The following CELA2A variants were observed in gnomAD, a reference collection of about 807,000 sequenced individuals.
The protein encoded by CELA2A is chymotrypsin-like elastase family member 2A.
A neutral mutation model predicts 35.3 loss-of-function variants in CELA2A; 31 were observed. The ratio of observed to expected loss-of-function variants is 0.88; its 90% CI spans 0.66 to 1.19. The LOEUF is 1.19. CELA2A is among the 50% of genes most tolerant of loss of function. The pLI, the probability that CELA2A is intolerant of heterozygous loss-of-function variation, is 0.00. For synonymous variants in CELA2A, 150 were observed against 149.8 expected, an observed-to-expected ratio of 1.00 and a Z score of -0.01; for missense variants, 330 against 352.9, an observed-to-expected ratio of 0.94 and a Z score of 0.52.
chr1:15,471,736 G>GC (rs901311308), intron 7 of CELA2A, among the ~76,000 whole-genome samples: 2 of 152,068 alleles, frequency 1.3e-5, no homozygotes, highest in African/African-American at 4.8e-5. Flanking sequence ...GGGTTCGAAG[G>GC]CCCCCTACCC....
At chr1:15,469,778 A>G (rs1185465744) in intron 7 of CELA2A, among the ~76,000 whole-genome samples, 2 of 152,164 alleles carry the variant, frequency 1.3e-5, no homozygotes, top group Non-Finnish European at 2.9e-5. Context: ...CGCCACCCAC[A>G]TGTCAAAGGA....
At chr1:15,458,069 C>G (rs191585063) in intron 2 of CELA2A, among the ~76,000 whole-genome samples, 3 of 151,758 alleles carry the variant, frequency 2.0e-5, no homozygotes, top group African/African-American at 4.8e-5. Context: ...TAATTGGGAC[C>G]GAGTAATTGA....
intron 5 of CELA2A, among the ~76,000 whole-genome samples, chr1:15,464,185 G>T (rs2103303421): frequency 6.6e-6 from 1 of 152,306 alleles, no homozygotes; most frequent in South Asian, 2.1e-4. Flanking sequence ...TGGAGAGAAA[G>T]TTACAGAGAC....
At chr1:15,461,436 T>G (rs1412014959) in intron 2 of CELA2A, 125 bp from the exon 3 acceptor site, 2 of 921,722 alleles carry the variant, frequency 2.2e-6, no homozygotes, top group African/African-American at 3.3e-5. Context: ...TGCCTTAAGT[T>G]GTGCACATGA....
intron 5 of CELA2A, 83 bp from the exon 6 acceptor site, chr1:15,465,916 A>T: frequency 6.6e-7 from 1 of 1,507,002 alleles, no homozygotes; most frequent in Non-Finnish European, 9.2e-7. Flanking sequence ...AGACAGGAAC[A>T]GGGGAAACCT....
At chr1:15,465,397 G>A (rs1708502790) in intron 5 of CELA2A, among the ~76,000 whole-genome samples, 3 of 152,242 alleles carry the variant, frequency 2.0e-5, no homozygotes, top group South Asian at 4.2e-4. Context: ...CAGTAATGGA[G>A]GTGATGGTGG....
intron 7 of CELA2A, among the ~76,000 whole-genome samples, chr1:15,471,537 G>T (rs1708593902): frequency 6.6e-6 from 1 of 151,728 alleles, no homozygotes; most frequent in Non-Finnish European, 1.5e-5. Context: ...AACAGAGTGA[G>T]ACTGTCTCAA....
chr1:15,462,805 C>T lies in CELA2A; in HGVS notation c.300C>T (p.Val100=). Residue 100 remains valine, a synonymous_variant, in exon 4 of 8, where the codon GTC becomes GTT. Coordinates refer to ENST00000359621, the MANE Select transcript of CELA2A (RefSeq NM_033440.3). ...LYVAESGSLA[V]SVSKIVVHKD... ...TTGCGGAGTCCGGCTCGCTGGCAGTCAGTGTCTCTAAGATTGTGGTGCACA... is the reference window on the plus strand; with the variant it reads ...TTGCGGAGTCCGGCTCGCTGGCAGTTAGTGTCTCTAAGATTGTGGTGCACA... The T allele has an allele frequency of 6.2e-7, 1 of 1,614,128 alleles. No homozygotes were observed. The highest frequency in any genetic ancestry group is 8.5e-7 in the Non-Finnish European group (1 of 1,180,032).
intron 7 of CELA2A, among the ~76,000 whole-genome samples, chr1:15,469,164 C>A (rs1276341887): frequency 6.6e-6 from 1 of 151,920 alleles, no homozygotes; most frequent in Non-Finnish European, 1.5e-5. Context: ...GGCGACAGAG[C>A]GAGACTCCAT....
intron 7 of CELA2A, among the ~76,000 whole-genome samples, chr1:15,468,865 G>A (rs1708555696): frequency 6.6e-6 from 1 of 152,016 alleles, no homozygotes; most frequent in African/African-American, 2.4e-5. Flanking sequence ...GTAGGTGAAA[G>A]CAGCCAGAAC....
chr1:15,469,521 C>T (rs1455241601), intron 7 of CELA2A, among the ~76,000 whole-genome samples: 1 of 152,176 alleles, frequency 6.6e-6, no homozygotes, highest in Non-Finnish European at 1.5e-5. Context: ...CACGTGGTCA[C>T]AGGAGGAAAA....
At position 15,469,462 on chromosome 1, in the gene CELA2A, T is replaced by C. The variant is rs184201888; in HGVS notation, c.792+1924T>C. 9.2e-5 allele frequency among the ~76,000 whole-genome samples: 14 copies of C among 152,272 alleles called. No homozygotes were observed. In the East Asian group the frequency reaches 2.7e-3, roughly 29 times the overall value. On this transcript the variant is annotated intron_variant, in intron 7 of 7. Coordinates refer to ENST00000359621, the MANE Select transcript of CELA2A (RefSeq NM_033440.3). ...TTTAATTTGCAGAGAAGTGTTAAAT[T>C]GAATTAAACTGACACTTATAAAACC... is the stretch of plus-strand genomic sequence containing the variant.
chr1:15,471,471 C>T (rs1285032244), intron 7 of CELA2A, among the ~76,000 whole-genome samples: 2 of 152,068 alleles, frequency 1.3e-5, no homozygotes, highest in African/African-American at 4.8e-5. Context: ...TCACTTAAAC[C>T]TGCATAGTGG....
At chr1:15,471,248 T>C (rs1708590192) in intron 7 of CELA2A, among the ~76,000 whole-genome samples, 1 of 152,120 alleles carries the variant, frequency 6.6e-6, no homozygotes. Context: ...GAAGTTGGCA[T>C]ATCAAAATGT....
At chr1:15,465,584 C>T (rs564227229) in intron 5 of CELA2A, among the ~76,000 whole-genome samples, 196 of 152,258 alleles carry the variant, frequency 1.3e-3, no homozygotes, top group African/African-American at 4.3e-3. Context: ...AAAGTTTTAT[C>T]CCAAGGGCAG....
Position 15,456,778 on chromosome 1 carries a change from A to G in CELA2A, c.25A>G (p.Thr9Ala). ...CATGATAAGGACGCTGCTGCTGTCC[A>G]CTTTGGTGGCTGGAGGTAAGTCCTG... is the stretch of plus-strand genomic sequence containing the variant. MIRTLLLSTLVAGALSCGD... is the reference protein window; with the variant it reads MIRTLLLSALVAGALSCGD... Residue 9 changes from threonine to alanine, a missense_variant, in exon 1 of 8, where the codon ACT (threonine) becomes GCT (alanine). Transcript: ENST00000359621. 2 of 1,614,156 alleles carry G rather than the reference A, an allele frequency of 1.2e-6. No homozygotes were observed. Among genetic ancestry groups the G allele is most frequent in the Non-Finnish European group, 1.7e-6 (2 of 1,180,010 alleles).
At chr1:15,470,876 T>C (rs1054284879) in intron 7 of CELA2A, among the ~76,000 whole-genome samples, 3 of 152,160 alleles carry the variant, frequency 2.0e-5, no homozygotes, top group Admixed American at 6.5e-5. Context: ...CCACTGTGCC[T>C]GGCCAAGTTG....
chr1:15,462,092 T>C (rs1334205814), intron 3 of CELA2A: 3 of 475,346 alleles, frequency 6.3e-6, no homozygotes, highest in Non-Finnish European at 1.3e-5. Context: ...CAGTGAAAGC[T>C]AATTCTGAAT....
At chr1:15,467,676 A>T in intron 7 of CELA2A, 138 bp downstream of exon 7, 4 of 1,060,484 alleles carry the variant, frequency 3.8e-6, no homozygotes, top group Non-Finnish European at 5.4e-6. Context: ...GAGGCTGCAG[A>T]CCTGAGTAAC....
Sources: allele counts gnomAD v4.1 joint callset (sites outside exome capture counted in the v4.1 genomes callset), GRCh38; gene constraint gnomAD v4.1.1; transcripts MANE v1.5; gene names NCBI Gene and HGNC (gene_info 2026-07-23, HGNC 2026-07-21).